Variants in SLC71A2 observed in about 807,000 individuals in gnomAD.
SLC71A2 encodes the protein solute carrier family 71 member 2.
chr9:94,458,168 T>C, the SLC71A2 span: 3 of 575,284 alleles, frequency 5.2e-6, no homozygotes, highest in Non-Finnish European at 5.9e-6. Context: ...TTATAATGGA[T>C]AAAGTCTTCC....
At chr9:94,418,377 A>T in the SLC71A2 span, among the ~76,000 whole-genome samples, 5 of 152,080 alleles carry the variant, frequency 3.3e-5, no homozygotes, top group Admixed American at 2.6e-4. Context: ...TAACTGCAGC[A>T]TTTCCACATT....
the SLC71A2 span, among the ~76,000 whole-genome samples, chr9:94,382,825 C>T: frequency 2.0e-5 from 3 of 152,032 alleles, no homozygotes; most frequent in South Asian, 2.1e-4. Context: ...TACAGGCATC[C>T]GCCACCACGC....
At chr9:94,386,442 G>T in the SLC71A2 span, among the ~76,000 whole-genome samples, 1 of 151,058 alleles carries the variant, frequency 6.6e-6, no homozygotes, top group African/African-American at 2.4e-5. Context: ...GTGGAAACAT[G>T]CATAGGCTCA....
At chr9:94,422,171 A>G in the SLC71A2 span, among the ~76,000 whole-genome samples, 1 of 152,156 alleles carries the variant, frequency 6.6e-6, no homozygotes, top group Non-Finnish European at 1.5e-5. Flanking sequence ...GTGCCTGGCC[A>G]TTGTTACAGT....
chr9:94,446,786 T>C, the SLC71A2 span: 2 of 1,072,052 alleles, frequency 1.9e-6, no homozygotes, highest in South Asian at 1.3e-5. Context: ...TTAATGTGTA[T>C]TGGCATTTTA....
chr9:94,432,917 T>C, the SLC71A2 span: 1 of 394,086 alleles, frequency 2.5e-6, no homozygotes, highest in South Asian at 2.1e-5. Context: ...CTCATACATC[T>C]TGGCCAAGTC....
At chr9:94,451,349 C>T in the SLC71A2 span, 1 of 519,756 alleles carries the variant, frequency 1.9e-6, no homozygotes, top group African/African-American at 2.0e-5. Flanking sequence ...CTTAATTTGC[C>T]ACTGGTTTTA....
At chr9:94,414,433 A>G in the SLC71A2 span, among the ~76,000 whole-genome samples, 1 of 152,210 alleles carries the variant, frequency 6.6e-6, no homozygotes. Context: ...ATACTGATTT[A>G]AAGTCATCCG....
At chr9:94,438,311 A>G in the SLC71A2 span, 1 of 1,439,890 alleles carries the variant, frequency 6.9e-7, no homozygotes, top group South Asian at 1.2e-5. Context: ...CAGTACAATG[A>G]ATTAGAGCTA....
the SLC71A2 span, among the ~76,000 whole-genome samples, chr9:94,380,042 C>T: frequency 1.3e-5 from 2 of 152,114 alleles, no homozygotes; most frequent in Admixed American, 6.5e-5. Flanking sequence ...CTGAGGCAGG[C>T]GGATCACGAG....
chr9:94,418,056 T>G, the SLC71A2 span, among the ~76,000 whole-genome samples: 2 of 151,888 alleles, frequency 1.3e-5, no homozygotes, highest in African/African-American at 2.4e-5. Context: ...GACGGGAGGG[T>G]TTCACCATGT....
chr9:94,418,237 A>G, the SLC71A2 span, among the ~76,000 whole-genome samples: 2 of 151,820 alleles, frequency 1.3e-5, no homozygotes, highest in South Asian at 2.1e-4. Context: ...TTTTTTGCCA[A>G]TTGTTTTCTA....
At chr9:94,384,336 CT>C in the SLC71A2 span, among the ~76,000 whole-genome samples, 221 of 133,260 alleles carry the variant, frequency 1.7e-3, no homozygotes, top group Middle Eastern at 3.9e-3. Flanking sequence ...TCAAATTTTC[CT>C]TTTTTTTTTT....
chr9:94,421,815 A>G, the SLC71A2 span, among the ~76,000 whole-genome samples: 2 of 152,054 alleles, frequency 1.3e-5, no homozygotes, highest in East Asian at 1.9e-4. Flanking sequence ...TTCATTGTGT[A>G]CCTTGAAGAT....
chr9:94,405,685 GT>G, the SLC71A2 span, among the ~76,000 whole-genome samples: 5 of 152,056 alleles, frequency 3.3e-5, no homozygotes, highest in South Asian at 1.0e-3. Context: ...GAACCACACT[GT>G]TTTGATTGCC....
chr9:94,414,201 C>G, the SLC71A2 span, among the ~76,000 whole-genome samples: 1 of 152,166 alleles, frequency 6.6e-6, no homozygotes, highest in African/African-American at 2.4e-5. Flanking sequence ...CAGTTTTCCA[C>G]AGGAGTGATG....
the SLC71A2 span, among the ~76,000 whole-genome samples, chr9:94,431,314 A>G: frequency 1.0e-5 from 1 of 100,250 alleles, no homozygotes; most frequent in East Asian, 2.0e-4. Context: ...CTCCGTCTCA[A>G]AAAAAAAAAA....
the SLC71A2 span, among the ~76,000 whole-genome samples, chr9:94,400,772 T>G: frequency 6.6e-6 from 1 of 152,200 alleles, no homozygotes; most frequent in Admixed American, 6.5e-5. Context: ...TCTCTGAAGT[T>G]CTGCTGGTTT....
At chr9:94,457,712 A>T in the SLC71A2 span, among the ~76,000 whole-genome samples, 1 of 152,252 alleles carries the variant, frequency 6.6e-6, no homozygotes, top group Non-Finnish European at 1.5e-5. Context: ...ATTCATGTCA[A>T]TATACATGTT....
Sources: allele counts gnomAD v4.1 joint callset (sites outside exome capture counted in the v4.1 genomes callset), GRCh38; gene constraint gnomAD v4.1.1; transcripts MANE v1.5; gene names NCBI Gene and HGNC (gene_info 2026-07-23, HGNC 2026-07-21).